The following PCP4 variants were observed in gnomAD, a reference collection of about 807,000 sequenced individuals.
PCP4 encodes the protein Purkinje cell protein 4, also known as calmodulin regulator protein PCP4.
PCP4 carries 8 observed loss-of-function variants against 10.0 expected under a neutral mutation model. That is an observed-to-expected ratio of 0.80 (90% CI 0.47 to 1.45). PCP4 has a LOEUF of 1.45. Ranked by LOEUF, PCP4 falls within the 40% of genes most tolerant of loss-of-function variation. The probability of loss-of-function intolerance (pLI) is 0.00; values close to 1 mark genes in which losing one functional copy is unlikely to be tolerated. For missense variants in PCP4, 54 were observed against 74.4 expected (o/e 0.73, Z 1.01); for synonymous variants, 21 against 23.0 (o/e 0.91, Z 0.24).
chr21:39,925,861 G>T (rs1361674565), intron 2 of PCP4, among the ~76,000 whole-genome samples: 1 of 152,110 alleles, frequency 6.6e-6, no homozygotes, highest in African/African-American at 2.4e-5. Context: ...AGGCTCCAAG[G>T]CCCTGAAGAG....
intron 1 of PCP4, among the ~76,000 whole-genome samples, chr21:39,873,317 A>G (rs1174030771): frequency 6.6e-6 from 1 of 152,172 alleles, no homozygotes; most frequent in Non-Finnish European, 1.5e-5. Flanking sequence ...GTTGAAGGTA[A>G]ACATCTAGCA....
intron 2 of PCP4, among the ~76,000 whole-genome samples, chr21:39,914,209 T>G (rs1213729098): frequency 6.6e-6 from 1 of 152,196 alleles, no homozygotes; most frequent in Non-Finnish European, 1.5e-5. Flanking sequence ...TGGGGGCTCT[T>G]ACCAGCCTTT....
At chr21:39,903,320 G>A (rs1439482505) in intron 2 of PCP4, among the ~76,000 whole-genome samples, 2 of 152,168 alleles carry the variant, frequency 1.3e-5, no homozygotes, top group Admixed American at 6.5e-5. Context: ...CTGTTTCTGC[G>A]GGTGGAAGGT....
intron 2 of PCP4, among the ~76,000 whole-genome samples, chr21:39,917,780 A>C (rs991119766): frequency 6.6e-6 from 1 of 151,738 alleles, no homozygotes; most frequent in Non-Finnish European, 1.5e-5. Context: ...TGAATTGTGT[A>C]CTCCCTCCCT....
intron 1 of PCP4, among the ~76,000 whole-genome samples, chr21:39,888,310 G>C (rs73904461): frequency 2.6e-5 from 4 of 152,286 alleles, no homozygotes; most frequent in Middle Eastern, 6.8e-3. Context: ...CGTTGGGAAC[G>C]GGGGGCAAAA....
intron 1 of PCP4, among the ~76,000 whole-genome samples, chr21:39,890,370 AT>A (rs1183712146): frequency 6.6e-6 from 1 of 151,972 alleles, no homozygotes; most frequent in Non-Finnish European, 1.5e-5. Context: ...TTATTTATTT[AT>A]TTTGAGACAG....
At chr21:39,919,237 GAGGGCCCCAGCAGCAC>G (rs2087583276) in intron 2 of PCP4, among the ~76,000 whole-genome samples, 1 of 152,202 alleles carries the variant, frequency 6.6e-6, no homozygotes, top group Non-Finnish European at 1.5e-5. Flanking sequence ...TCCCAGCTAA[GAGGGCCCCAGCAGCAC>G]AGAACTCCGC....
At chr21:39,885,977 T>C (rs1212436962) in intron 1 of PCP4, among the ~76,000 whole-genome samples, 3 of 152,234 alleles carry the variant, frequency 2.0e-5, no homozygotes, top group Non-Finnish European at 4.4e-5. Context: ...AGGCCCCTCT[T>C]CCGGGCTTGT....
intron 2 of PCP4, among the ~76,000 whole-genome samples, chr21:39,921,639 C>CTGGT (rs1248608554): frequency 6.6e-6 from 1 of 152,178 alleles, no homozygotes; most frequent in Non-Finnish European, 1.5e-5. Context: ...CAGATTGTAA[C>CTGGT]TACATTTGGA....
Position 39,907,306 on chromosome 21 carries a change from G to A in PCP4, c.61+8779G>A, listed in dbSNP as rs766317282. Among the ~76,000 whole-genome samples the A allele has an allele frequency of 5.3e-5, 8 of 151,988 alleles. No homozygotes were observed. The East Asian group carries it at 7.8e-4, about 15-fold the overall frequency. ...TTAGAGCAACCACAGAACATGCTTC[G>A]GACCCCGGGCAGAAGTCCCCAGGGT... On this transcript the variant is annotated intron_variant, in intron 2 of 2. Coordinates refer to ENST00000328619, the MANE Select transcript of PCP4 (RefSeq NM_006198.3).
chr21:39,906,638 C>T lies in PCP4; in HGVS notation c.61+8111C>T, dbSNP rs539451184. On this transcript the variant is annotated intron_variant, in intron 2 of 2. Transcript: ENST00000328619. This position sits in a 1 kb window ranked among gnomAD's most constrained non-coding sequence, Gnocchi z 6.3. ...TCTTCCTACCTTTCATCCTTTTCTT[C>T]CTTCTTTCTTTTTGAGATTGAGCAG... 1.3e-5 allele frequency among the ~76,000 whole-genome samples: 2 copies of T among 151,918 alleles called. No homozygotes were observed. The highest frequency in any genetic ancestry group is 3.9e-4 in the East Asian group (2 of 5,162).
intron 2 of PCP4, among the ~76,000 whole-genome samples, chr21:39,910,798 G>C (rs3819596): frequency 0.17 from 25,441 of 152,212 alleles, 2,298 homozygotes; most frequent in East Asian, 0.35. Context: ...CCGGTTGCAG[G>C]GCCCCTGAGC....
intron 1 of PCP4, among the ~76,000 whole-genome samples, chr21:39,884,992 A>G (rs574779370): frequency 6.6e-6 from 1 of 152,332 alleles, no homozygotes; most frequent in African/African-American, 2.4e-5. Context: ...TGATCATATC[A>G]GCTTTTAAGT....
chr21:39,924,678 T>C (rs2087612245), intron 2 of PCP4, among the ~76,000 whole-genome samples: 1 of 152,194 alleles, frequency 6.6e-6, no homozygotes, highest in South Asian at 2.1e-4. Context: ...ACTGGGACTA[T>C]GCTCAGCTCT....
intron 1 of PCP4, among the ~76,000 whole-genome samples, chr21:39,873,770 C>T (rs1386055797): frequency 6.6e-6 from 1 of 152,158 alleles, no homozygotes; most frequent in Admixed American, 6.5e-5. Context: ...GCAAGCTTGC[C>T]ACAGTCATCA....
At chr21:39,878,795 T>C (rs2146326934) in intron 1 of PCP4, among the ~76,000 whole-genome samples, 1 of 152,294 alleles carries the variant, frequency 6.6e-6, no homozygotes, top group East Asian at 1.9e-4. Context: ...CATTATATTA[T>C]TGTCTTTTCT....
At chr21:39,905,315 G>A (rs1444306405) in intron 2 of PCP4, among the ~76,000 whole-genome samples, 1 of 152,114 alleles carries the variant, frequency 6.6e-6, no homozygotes, top group African/African-American at 2.4e-5. Context: ...TGTGCTTTCG[G>A]CTCCAAACAC....
intron 1 of PCP4, among the ~76,000 whole-genome samples, chr21:39,872,362 A>G (rs1162411552): frequency 1.3e-5 from 2 of 152,168 alleles, no homozygotes; most frequent in Non-Finnish European, 2.9e-5. Flanking sequence ...GATCGGGGGA[A>G]GGCATTCACA....
intron 1 of PCP4, among the ~76,000 whole-genome samples, chr21:39,873,666 A>C (rs1457321438): frequency 4.6e-5 from 7 of 152,202 alleles, no homozygotes; most frequent in African/African-American, 1.7e-4. Flanking sequence ...GTGAACAATG[A>C]ATACAGAAAC....
Sources: gnomAD v4.1 joint callset for allele counts (sites outside exome capture counted in the v4.1 genomes callset) on GRCh38, gnomAD v4.1.1 for gene constraint, Gnocchi (gnomAD v3.1) non-coding constraint, MANE v1.5 for transcripts, NCBI Gene and HGNC (gene_info 2026-07-23, HGNC 2026-07-21) for gene names.